Variants in C9orf43 observed in about 807,000 individuals in gnomAD.
C9orf43 encodes the protein uncharacterized protein C9orf43.
A neutral mutation model predicts 59.1 loss-of-function variants in C9orf43; 45 were observed. That is an observed-to-expected ratio of 0.76 (90% CI 0.60 to 0.98). C9orf43 has a LOEUF of 0.98. Among genes scored for constraint, C9orf43 ranks in the 50% least tolerant of loss-of-function variants. C9orf43 has a pLI of 0.00. For missense variants in C9orf43, 533 were observed against 554.9 expected, an observed-to-expected ratio of 0.96 and a Z score of 0.40; for synonymous variants, 203 against 196.8, an observed-to-expected ratio of 1.03 and a Z score of -0.26.
At position 113,424,110 on chromosome 9, in the gene C9orf43, C is replaced by A; in HGVS notation, c.657-56C>A. On this transcript the variant is annotated intron_variant, in intron 7 of 13. Transcript: ENST00000374165. The stretch of plus-strand genomic sequence containing the variant: ...CCCTTTACATCTCTTTCTCCTCAGC[C>A]ATGCTTTCCGGGAAGAGCTGTTGCT... 3 of 1,530,802 alleles carry A rather than the reference C, an allele frequency of 2.0e-6. No homozygotes were observed. The South Asian group carries it at 4.0e-5, about 20-fold the overall frequency. 94.8% of individuals were successfully genotyped at this position (1,530,802 alleles called of 1,614,324 possible).
chr9:113,423,538 G>C, intron 7 of C9orf43, 40 bp downstream of exon 7: 2 of 1,584,664 alleles, frequency 1.3e-6, no homozygotes, highest in Non-Finnish European at 1.7e-6. Context: ...CAGAGCACCT[G>C]CTTTTTACTG....
rs1199889759 is a variant in C9orf43, at chr9:113,425,063, C to A, written c.852C>A (p.Asn284Lys). The A allele has an allele frequency of 6.2e-7, 1 of 1,613,180 alleles. No individual in the cohort carries two copies. Among genetic ancestry groups the A allele is most frequent in the African/African-American group, 1.3e-5 (1 of 74,902 alleles). ...RYPERLKKLH[N>K]LKTEGYRKQQ... Reference sequence around the variant, plus strand: ...CTGAACGTTTGAAGAAATTACATAACCTGAAGACAGAAGGTAGATTTGCTG... The same window carrying A: ...CTGAACGTTTGAAGAAATTACATAAACTGAAGACAGAAGGTAGATTTGCTG... The change falls in exon 9 of 14, where the codon AAC becomes AAA. Residue 284 changes from asparagine (N) to lysine (K), a missense_variant. By Grantham distance (94) the Asn-to-Lys change is moderately conservative. Transcript: ENST00000374165.
intron 1 of C9orf43, among the ~76,000 whole-genome samples, chr9:113,411,879 T>G (rs906355948): frequency 6.6e-6 from 1 of 152,116 alleles, no homozygotes; most frequent in African/African-American, 2.4e-5. Flanking sequence ...GGTTTCACCA[T>G]GTTGCCCAGG....
At chr9:113,419,907 A>G (rs78178894) in intron 4 of C9orf43, among the ~76,000 whole-genome samples, 1 of 152,274 alleles carries the variant, frequency 6.6e-6, no homozygotes, top group East Asian at 1.9e-4. Context: ...GAGATTTACT[A>G]TTCTTTGCAG....
At chr9:113,425,553 T>C (rs1828756575) in intron 10 of C9orf43, 90 bp from the exon 11 acceptor site, 7 of 1,500,736 alleles carry the variant, frequency 4.7e-6, no homozygotes, top group African/African-American at 1.4e-5. Flanking sequence ...TGGTTGTAGA[T>C]GTTAAATTCC....
At chr9:113,428,768 T>C in intron 12 of C9orf43, 132 bp from the exon 13 acceptor site, 1 of 745,946 alleles carries the variant, frequency 1.3e-6, no homozygotes, top group Non-Finnish European at 2.3e-6. Context: ...TAAAAGCTTC[T>C]CTTCAGTCCC....
At chr9:113,411,302 C>CT (rs200343845) in intron 1 of C9orf43, among the ~76,000 whole-genome samples, 10,875 of 142,018 alleles carry the variant, frequency 0.077, 447 homozygotes, top group Non-Finnish European at 0.095. Context: ...AATGGCGTTT[C>CT]TTTTTTTTTT....
intron 5 of C9orf43, among the ~76,000 whole-genome samples, chr9:113,421,874 C>T (rs781051968): frequency 6.6e-6 from 1 of 152,094 alleles, no homozygotes. Context: ...AAATGAAAAA[C>T]AACCCTAAGG....
chr9:113,423,216 A>G (rs1455777961), intron 6 of C9orf43, 110 bp from the exon 7 acceptor site: 2 of 1,065,998 alleles, frequency 1.9e-6, no homozygotes, highest in African/African-American at 3.2e-5. Flanking sequence ...AGAGGAGGCA[A>G]CCATGGCTGG....
intron 6 of C9orf43, among the ~76,000 whole-genome samples, chr9:113,422,976 T>G (rs1828640880): frequency 6.6e-6 from 1 of 152,224 alleles, no homozygotes; most frequent in African/African-American, 2.4e-5. Context: ...ACTGTAAGAC[T>G]GCTATGTCCA....
intron 11 of C9orf43, 134 bp from the exon 12 acceptor site, chr9:113,428,013 C>T: frequency 1.3e-6 from 1 of 787,834 alleles, no homozygotes; most frequent in Non-Finnish European, 2.2e-6. Context: ...GGTCTAACTA[C>T]CTTTTACCTG....
chr9:113,413,760 T>G lies in C9orf43; in HGVS notation c.153T>G (p.Asp51Glu). ...TTTTCTTCTGGTCTGCCTTCTTAGA[T>G]AAACTCCCAGTGCTCACCGTGGTAG... ...SSCKTPLDAE[D>E]KLPVLTVVDI... The change falls in exon 3 of 14, where the codon GAT becomes GAG. Residue 51 changes from aspartate (D) to glutamate (E), a missense_variant and splice_region_variant. Asp to Glu is a conservative substitution (Grantham distance 45, BLOSUM62 2). Transcript: ENST00000374165. 6.2e-7 allele frequency: 1 copy of G among 1,613,680 alleles called. No homozygotes were observed. Among genetic ancestry groups the G allele is most frequent in the Non-Finnish European group, 8.5e-7 (1 of 1,179,864 alleles).
In C9orf43 at chr9:113,429,421, T is replaced by C. The variant is rs752501788; in HGVS notation, c.*35T>C. ...GGAGGAATAGACTGAAGGCATCCCC[T>C]GGGGCAGCCGTGTTCCAAAGCGGGA... On this transcript the variant is annotated 3_prime_UTR_variant, in exon 14 of 14. Coordinates refer to ENST00000374165, the MANE Select transcript of C9orf43 (RefSeq NM_001278629.2). 1.3e-6 allele frequency: 2 copies of C among 1,591,324 alleles called. No individual in the cohort carries two copies. The highest frequency in any genetic ancestry group is 2.2e-5 in the East Asian group (1 of 44,716).
At chr9:113,427,425 C>T (rs972585335) in intron 11 of C9orf43, among the ~76,000 whole-genome samples, 7 of 152,220 alleles carry the variant, frequency 4.6e-5, no homozygotes, top group Admixed American at 4.6e-4. Context: ...GATCTGCCCG[C>T]CTCGGCCTCC....
At position 113,413,557 on chromosome 9, in the gene C9orf43, C is replaced by T; in HGVS notation, c.64C>T (p.Pro22Ser). 1 of 1,614,172 alleles carries T rather than the reference C, an allele frequency of 6.2e-7. No homozygotes were observed. The change falls in exon 2 of 14, where the codon CCA (proline) becomes TCA (serine). Residue 22 changes from proline (P) to serine (S), a missense_variant. Pro to Ser is a moderately conservative substitution (Grantham distance 74, BLOSUM62 -1). Coordinates refer to ENST00000374165, the MANE Select transcript of C9orf43 (RefSeq NM_001278629.2). ...TTCGLAVCQH[P>S]QCWATIRRIE... The stretch of plus-strand genomic sequence containing the variant: ...CTGTGGCTTGGCTGTTTGTCAGCAC[C>T]CACAATGCTGGGCAACTATCCGCCG...
chr9:113,412,276 T>C (rs564993882), intron 1 of C9orf43, among the ~76,000 whole-genome samples: 5 of 152,334 alleles, frequency 3.3e-5, no homozygotes, highest in East Asian at 3.9e-4. Flanking sequence ...TAAAAGGACA[T>C]TGTGGGCTAT....
intron 11 of C9orf43, among the ~76,000 whole-genome samples, chr9:113,427,112 T>G (rs986748354): frequency 6.6e-6 from 1 of 152,200 alleles, no homozygotes; most frequent in Non-Finnish European, 1.5e-5. Context: ...TTGACCTTTA[T>G]CATCCAGGCC....
At position 113,413,703 on chromosome 9, in the gene C9orf43, G is replaced by A. The variant is rs1027233555; in HGVS notation, c.152-56G>A. On this transcript the variant is annotated intron_variant, in intron 2 of 13. Coordinates refer to ENST00000374165, the MANE Select transcript of C9orf43 (RefSeq NM_001278629.2). ...AGGTCCTTAACGTATTTATGTATGTGGCTCCCTTTCTCCAGGCAGCAGGTT... is the reference window on the plus strand; with the variant it reads ...AGGTCCTTAACGTATTTATGTATGTAGCTCCCTTTCTCCAGGCAGCAGGTT... 1.0e-4 allele frequency: 161 copies of A among 1,611,248 alleles called. No individual in the cohort carries two copies. The Admixed American group carries it at 2.6e-3, about 26-fold the overall frequency.
rs1408638765 is a variant in C9orf43, at chr9:113,412,109, A to G, written c.-50+1108A>G. Among the ~76,000 whole-genome samples the G allele has an allele frequency of 2.0e-5, 3 of 152,328 alleles. No homozygotes were observed. In the East Asian group the frequency reaches 5.8e-4, roughly 29 times the overall value. ...AACAAAAGAGCAAATGCTATGATAA[A>G]TGGCAACTGAAAGTGTTTCAATTAG... On this transcript the variant is annotated intron_variant, in intron 1 of 13. Transcript: ENST00000374165.
Sources: allele counts gnomAD v4.1 joint callset (sites outside exome capture counted in the v4.1 genomes callset), GRCh38; gene constraint gnomAD v4.1.1; transcripts MANE v1.5; gene names NCBI Gene and HGNC (gene_info 2026-07-23, HGNC 2026-07-21).